The following IL1B variants were observed in gnomAD, a reference collection of about 807,000 sequenced individuals.
IL1B encodes the protein interleukin-1 beta.
Under a neutral mutation model 26.2 loss-of-function variants are expected in IL1B, and 11 were observed. The ratio of observed to expected loss-of-function variants is 0.42; its 90% confidence interval spans 0.26 to 0.70. The LOEUF (loss-of-function observed/expected upper bound fraction) is 0.70. IL1B is among the 30% of genes least tolerant of loss of function. The pLI is 0.25. For missense variants in IL1B, 255 were observed against 327.5 expected (o/e 0.78, Z 1.71); for synonymous variants, 118 against 120.8 (o/e 0.98, Z 0.15).
chr2:112,834,800 C>T (rs1355779991), intron 3 of IL1B, among the ~76,000 whole-genome samples: 1 of 152,248 alleles, frequency 6.6e-6, no homozygotes, highest in Non-Finnish European at 1.5e-5. Context: ...ACCTGCACAA[C>T]TGACCTAGCT....
At chr2:112,836,621 G>C in intron 1 of IL1B, 87 bp downstream of exon 1, 1 of 284,618 alleles carries the variant, frequency 3.5e-6, no homozygotes, top group Non-Finnish European at 7.0e-6. Flanking sequence ...GAAAGAGAGA[G>C]AGAGAGAGAA....
At chr2:112,836,140 G>A in intron 2 of IL1B, 43 bp downstream of exon 2, 1 of 1,592,004 alleles carries the variant, frequency 6.3e-7, no homozygotes, top group South Asian at 1.1e-5. Flanking sequence ...ACTCTTGAAA[G>A]AGGAGACCTG....
At chr2:112,830,607 G>A (rs372750906) in intron 6 of IL1B, 34 bp from the exon 7 acceptor site, 3 of 1,452,616 alleles carry the variant, frequency 2.1e-6, no homozygotes, top group African/African-American at 2.8e-5. Context: ...TTTTTGTGGG[G>A]CAAGGGACAA....
chr2:112,834,751 T>G (rs2104936934), intron 3 of IL1B, among the ~76,000 whole-genome samples: 1 of 152,306 alleles, frequency 6.6e-6, no homozygotes. Context: ...TATCACAAAC[T>G]GGAATAAAAT....
chr2:112,833,390 G>C lies in IL1B; in HGVS notation c.285C>G (p.Pro95=). 3 of 1,614,168 alleles carry C rather than the reference G, an allele frequency of 1.9e-6. No homozygotes were observed. The South Asian group carries it at 3.3e-5, about 18-fold the overall frequency. The change falls in exon 4 of 7, where the codon CCC becomes CCG. Residue 95 remains proline, a synonymous_variant. Coordinates refer to ENST00000263341, the MANE Select transcript of IL1B (RefSeq NM_000576.3). Reference sequence around the variant, plus strand: ...GCTAACTACCTTCTTCAAAGATGAAGGGAAAGAAGGTGCTCAGGTCATTCT... The same window carrying C: ...GCTAACTACCTTCTTCAAAGATGAACGGAAAGAAGGTGCTCAGGTCATTCT... ...FQENDLSTFF[P]FIFEEEPIFF... is the part of the protein sequence containing the mutation.
At position 112,831,317 on chromosome 2, in the gene IL1B, T is replaced by C; in HGVS notation, c.572A>G (p.Asp191Gly). Residue 191 changes from aspartate to glycine, a missense_variant, in exon 6 of 7, where the codon GAT becomes GGT. Coordinates refer to ENST00000263341, the MANE Select transcript of IL1B (RefSeq NM_000576.3). ...KNLYLSCVLK[D>G]DKPTLQLESV... ...CTCCAGCTGTAGAGTGGGCTTATCA[T>C]CTTTCAACACGCAGGACAGGTACAG... 1 of 1,614,038 alleles carries C rather than the reference T, an allele frequency of 6.2e-7. No homozygotes were observed. Among genetic ancestry groups the C allele is most frequent in the Non-Finnish European group, 8.5e-7 (1 of 1,179,950 alleles).
In IL1B at chr2:112,833,482, C is replaced by G. The variant is rs755957216; in HGVS notation, c.193G>C (p.Ala65Pro). The G allele has an allele frequency of 5.0e-6, 8 of 1,614,086 alleles. No individual in the cohort carries two copies. Among genetic ancestry groups the G allele is most frequent in the Non-Finnish European group, 5.9e-6 (7 of 1,180,038 alleles). The part of the protein sequence containing the change: ...HHYSKGFRQA[A>P]SVVVAMDKLR... The stretch of plus-strand genomic sequence containing the variant: ...TTGTCCATGGCCACAACAACTGACG[C>G]GGCCTGCCTGAAGCCCTTGCTGTAG... Residue 65 changes from alanine (A) to proline (P), a missense_variant, in exon 4 of 7, where the codon GCG (alanine) becomes CCG (proline). Physicochemically the swap from Ala to Pro is conservative, Grantham distance 27 (BLOSUM62 -1). Transcript: ENST00000263341.
chr2:112,835,799 G>C (rs1005031090), intron 2 of IL1B, among the ~76,000 whole-genome samples, 182 bp from the exon 3 acceptor site: 1 of 152,212 alleles, frequency 6.6e-6, no homozygotes, highest in African/African-American at 2.4e-5. Context: ...CAGATTCTAG[G>C]CCTGGCAGGT....
rs1681946146 is a variant in IL1B, at chr2:112,829,759, T to C, written c.*602A>G. 1 of 152,778 alleles carries C rather than the reference T, an allele frequency of 6.5e-6. No individual in the cohort carries two copies. The highest frequency in any genetic ancestry group is 1.5e-5 in the Non-Finnish European group (1 of 68,466). 9.5% of individuals were successfully genotyped at this position (152,778 alleles called of 1,614,324 possible). On this transcript the variant is annotated 3_prime_UTR_variant, in exon 7 of 7. Transcript: ENST00000263341. ...ATGATCAGGAAAGACCCTTTTTTTT[T>C]CTTCAGTGAAGTTTATTTCAGAACC...
At chr2:112,836,346 T>C in intron 1 of IL1B, 102 bp from the exon 2 acceptor site, 1 of 852,252 alleles carries the variant, frequency 1.2e-6, no homozygotes, top group Non-Finnish European at 2.0e-6. Flanking sequence ...AGAAATGATC[T>C]CTGAGTAAAT....
chr2:112,835,941 G>A (rs1143629), intron 2 of IL1B, among the ~76,000 whole-genome samples: 91,154 of 152,056 alleles, frequency 0.6, 27,832 homozygotes, highest in Middle Eastern at 0.67. Context: ...TGGGCTTGGA[G>A]TCTTTTCTCC....
intron 5 of IL1B, among the ~76,000 whole-genome samples, chr2:112,831,801 G>C (rs1383575484): frequency 6.6e-6 from 1 of 152,230 alleles, no homozygotes; most frequent in Non-Finnish European, 1.5e-5. Context: ...AGGTGAAGCT[G>C]TACTTCTGCC....
Position 112,836,097 on chromosome 2 carries a change from A to G in IL1B, c.47+86T>C, listed in dbSNP as rs529833758. 7.3e-5 allele frequency: 96 copies of G among 1,320,426 alleles called. No homozygotes were observed. In the African/African-American group the frequency reaches 1.3e-3, roughly 19 times the overall value. 81.8% of individuals were successfully genotyped at this position (1,320,426 alleles called of 1,614,324 possible). A position where few individuals can be genotyped will look rare whatever the true frequency, so the allele number is the denominator to read the frequency against. On this transcript the variant is annotated intron_variant, in intron 2 of 6. Coordinates refer to ENST00000263341, the MANE Select transcript of IL1B (RefSeq NM_000576.3). The stretch of plus-strand genomic sequence containing the variant: ...GCCACTGAAAGAGGCAATTTAGGGG[A>G]AAAATCTGGTCTCCAAGCACAGATA...
At position 112,829,752 on chromosome 2, in the gene IL1B, T is replaced by C. The variant is rs1162398041; in HGVS notation, c.*609A>G. The C allele has an allele frequency of 6.6e-6, 1 of 152,652 alleles. No homozygotes were observed. Among genetic ancestry groups the C allele is most frequent in the Non-Finnish European group, 1.5e-5 (1 of 68,446 alleles). The allele number at this position is 152,652 out of a possible 1,614,324, so 9.5% of individuals were successfully genotyped here. On this transcript the variant is annotated 3_prime_UTR_variant, in exon 7 of 7. Coordinates refer to ENST00000263341, the MANE Select transcript of IL1B (RefSeq NM_000576.3). ...CAAGTCAATGATCAGGAAAGACCCT[T>C]TTTTTTTCTTCAGTGAAGTTTATTT...
chr2:112,832,556 T>G (rs1682006769), intron 5 of IL1B, 106 bp downstream of exon 5: 6 of 1,220,134 alleles, frequency 4.9e-6, no homozygotes, highest in African/African-American at 1.5e-5. Flanking sequence ...TTTTTTTCAC[T>G]TGTGTTGATC....
At position 112,830,155 on chromosome 2, in the gene IL1B, A is replaced by T; in HGVS notation, c.*206T>A. On this transcript the variant is annotated 3_prime_UTR_variant, in exon 7 of 7. Transcript: ENST00000263341. ...GCCTGGCTCAACAAAAGGGCTGGGG[A>T]TTGGCCCTGAAAGGAGAGAGCTGAC... The T allele has an allele frequency of 1.7e-6, 1 of 578,088 alleles. No individual in the cohort carries two copies. The highest frequency in any genetic ancestry group is 3.1e-6 in the Non-Finnish European group (1 of 322,918). 35.8% of individuals were successfully genotyped at this position (578,088 alleles called of 1,614,324 possible). A position where few individuals can be genotyped will look rare whatever the true frequency, so the allele number is the denominator to read the frequency against.
intron 6 of IL1B, 71 bp from the exon 7 acceptor site, chr2:112,830,644 G>A: frequency 8.8e-7 from 1 of 1,139,930 alleles, no homozygotes; most frequent in Non-Finnish European, 1.3e-6. Context: ...ATGTTCTTTG[G>A]GTTGGCCAGA....
chr2:112,831,131 C>T (rs1681979986), intron 6 of IL1B, 161 bp downstream of exon 6: 18 of 762,588 alleles, frequency 2.4e-5, no homozygotes, highest in South Asian at 4.3e-5. Context: ...GAAGGTTGCA[C>T]GCAGTTAAAA....
intron 3 of IL1B, 162 bp downstream of exon 3, chr2:112,835,404 G>A (rs1682070566): frequency 1.4e-6 from 1 of 690,342 alleles, no homozygotes. Flanking sequence ...TGATGACCAA[G>A]TGGCCAGGTC....
Sources: allele counts gnomAD v4.1 joint callset (sites outside exome capture counted in the v4.1 genomes callset), GRCh38; gene constraint gnomAD v4.1.1; transcripts MANE v1.5; gene names NCBI Gene and HGNC (gene_info 2026-07-23, HGNC 2026-07-21).